CREB5: variants seen among roughly 807,000 people sequenced by gnomAD.
The protein encoded by CREB5 is cyclic AMP-responsive element-binding protein 5.
In CREB5, 19 loss-of-function variants were observed where a neutral mutation model predicts 57.1. That is an observed-to-expected ratio of 0.33 (90% CI 0.23 to 0.49). The LOEUF is 0.49. Among genes scored for constraint, CREB5 ranks in the 20% least tolerant of loss-of-function variants. The probability of loss-of-function intolerance (pLI) is 0.99; values close to 1 mark genes in which losing one functional copy is unlikely to be tolerated. For synonymous variants in CREB5, 238 were observed against 238.3 expected (o/e 1.00, Z 0.01); for missense variants, 579 against 671.6 (o/e 0.86, Z 1.52).
intron 1 of CREB5, among the ~76,000 whole-genome samples, chr7:28,320,739 C>G (rs191708206): frequency 3.3e-5 from 5 of 152,374 alleles, no homozygotes. Flanking sequence ...CCACTTCACT[C>G]TACAGAGTCA....
chr7:28,564,742 T>G (rs1030543488), intron 4 of CREB5, among the ~76,000 whole-genome samples: 1 of 152,204 alleles, frequency 6.6e-6, no homozygotes, highest in Admixed American at 6.5e-5. Flanking sequence ...GTTGGGAGAT[T>G]GTACTTTTTG....
chr7:28,769,537 T>A (rs920436763), intron 7 of CREB5, among the ~76,000 whole-genome samples: 1 of 152,224 alleles, frequency 6.6e-6, no homozygotes, highest in African/African-American at 2.4e-5. Flanking sequence ...AATAATTTTT[T>A]AAAAAACAGA....
Position 28,452,523 on chromosome 7 carries a change from A to G in CREB5, c.4-35652A>G, listed in dbSNP as rs145355936. On this transcript the variant is annotated intron_variant, in intron 1 of 10. Transcript: ENST00000357727. ...GCATGGTAAAAAGCGTTTAACTATA[A>G]AGACTTGAATGAAGGTGAGGGTAGG... Among the ~76,000 whole-genome samples, 4 of 152,326 alleles carry G rather than the reference A, an allele frequency of 2.6e-5. No homozygotes were observed. The East Asian group carries it at 5.8e-4, about 22-fold the overall frequency.
At chr7:28,646,202 C>A (rs11543662) in intron 5 of CREB5, among the ~76,000 whole-genome samples, 37,083 of 152,060 alleles carry the variant, frequency 0.24, 5,640 homozygotes, top group Non-Finnish European at 0.34. Context: ...TCTGGAGAAC[C>A]CTGACCAGGA....
intron 1 of CREB5, among the ~76,000 whole-genome samples, chr7:28,353,759 C>T (rs1013451430): frequency 1.8e-4 from 27 of 150,500 alleles, no homozygotes; most frequent in Admixed American, 5.3e-4. Context: ...AGGAGAATGG[C>T]GTGAACCCAG....
At chr7:28,666,522 A>G (rs966147566) in intron 5 of CREB5, among the ~76,000 whole-genome samples, 2 of 151,244 alleles carry the variant, frequency 1.3e-5, no homozygotes, top group Admixed American at 6.6e-5. Context: ...GAATCAGTCC[A>G]AACCCTGTTT....
At position 28,822,969 on chromosome 7, in the gene CREB5, CTT is replaced by C. The variant is rs1005946609; in HGVS notation, c.*3691_*3692del. The C allele has an allele frequency of 3.3e-5, 5 of 152,660 alleles. No homozygotes were observed. The highest frequency in any genetic ancestry group is 6.5e-5 in the Admixed American group (1 of 15,294). The allele number at this position is 152,660 out of a possible 1,614,324, so 9.5% of individuals were successfully genotyped here. ...GTATATATTATAGTAATTAGGGTGA[CTT>C]AGAGCAAATACTCTTCAGATCCTAT... is the stretch of plus-strand genomic sequence containing the variant. On this transcript the variant is annotated 3_prime_UTR_variant, in exon 11 of 11. Transcript: ENST00000357727.
chr7:28,607,735 CTGTGTGTGTGTGTGTG>C (rs573980917), intron 5 of CREB5, among the ~76,000 whole-genome samples: 26,191 of 129,180 alleles, frequency 0.2, 2,772 homozygotes, highest in East Asian at 0.31. Context: ...GCCCACAGGG[CTGTGTGTGTGTGTGTG>C]TGTGTGTGTG....
chr7:28,813,515 C>T (rs1456750521), intron 9 of CREB5, among the ~76,000 whole-genome samples: 2 of 152,198 alleles, frequency 1.3e-5, no homozygotes, highest in Non-Finnish European at 2.9e-5. Flanking sequence ...ATTGAAAGTT[C>T]TTTGTTTCAG....
At chr7:28,485,037 A>G (rs145103987) in intron 1 of CREB5, among the ~76,000 whole-genome samples, 58 of 152,340 alleles carry the variant, frequency 3.8e-4, no homozygotes, top group Middle Eastern at 6.8e-3. Context: ...CAGAATTGCC[A>G]AAGTATTAGC....
At position 28,484,453 on chromosome 7, in the gene CREB5, G is replaced by C. The variant is rs536180528; in HGVS notation, c.4-3722G>C. On this transcript the variant is annotated intron_variant, in intron 1 of 10. Coordinates refer to ENST00000357727, the MANE Select transcript of CREB5 (RefSeq NM_182898.4). ...CCTACACAGAAAGGAATTAGCAAGA[G>C]AATGCTGTTTGCAGAGGGCTAAATG... is the stretch of plus-strand genomic sequence containing the variant. Among the ~76,000 whole-genome samples the C allele has an allele frequency of 3.6e-4, 55 of 152,318 alleles. No individual in the cohort carries two copies. The South Asian group carries it at 3.7e-3, about 10-fold the overall frequency.
chr7:28,805,194 T>C (rs1808639481), intron 8 of CREB5, among the ~76,000 whole-genome samples: 1 of 151,990 alleles, frequency 6.6e-6, no homozygotes, highest in Non-Finnish European at 1.5e-5. Context: ...CAAATCCCAG[T>C]GGGTGAGAGT....
intron 5 of CREB5, among the ~76,000 whole-genome samples, chr7:28,694,496 G>A (rs1801437632): frequency 6.6e-6 from 1 of 152,112 alleles, no homozygotes; most frequent in African/African-American, 2.4e-5. Context: ...CATTTGATTT[G>A]AATTTGCTCT....
At chr7:28,394,999 C>A (rs1232089645) in intron 1 of CREB5, among the ~76,000 whole-genome samples, 2 of 152,160 alleles carry the variant, frequency 1.3e-5, no homozygotes, top group Admixed American at 6.5e-5. Context: ...TGAAAAGACA[C>A]AGATTATCTC....
At chr7:28,761,201 A>T (rs1805623609) in intron 7 of CREB5, among the ~76,000 whole-genome samples, 1 of 152,180 alleles carries the variant, frequency 6.6e-6, no homozygotes, top group African/African-American at 2.4e-5. Flanking sequence ...ATGCCCAATG[A>T]TCCCAAGTTT....
chr7:28,751,313 T>C (rs1044041446), intron 7 of CREB5, among the ~76,000 whole-genome samples: 3 of 152,208 alleles, frequency 2.0e-5, no homozygotes, highest in African/African-American at 7.2e-5. Flanking sequence ...CTGGAAGGGA[T>C]TGCCACTGTT....
At chr7:28,348,639 G>A (rs1052669817) in intron 1 of CREB5, among the ~76,000 whole-genome samples, 6 of 152,088 alleles carry the variant, frequency 3.9e-5, no homozygotes, top group African/African-American at 9.7e-5. Flanking sequence ...CAGCAAAAAC[G>A]GCTTGCCAAC....
chr7:28,336,582 T>C (rs1785826235), intron 1 of CREB5, among the ~76,000 whole-genome samples: 1 of 151,998 alleles, frequency 6.6e-6, no homozygotes, highest in Admixed American at 6.6e-5. Flanking sequence ...TGGGTCTTCT[T>C]TCTTTTTTCT....
intron 2 of CREB5, chr7:28,491,365 G>A: frequency 1.9e-6 from 1 of 512,970 alleles, no homozygotes; most frequent in Non-Finnish European, 2.5e-6. Flanking sequence ...GGAAGGGTTG[G>A]AAAGAGATTC....
Sources: allele counts gnomAD v4.1 joint callset (sites outside exome capture counted in the v4.1 genomes callset), GRCh38; gene constraint gnomAD v4.1.1; transcripts MANE v1.5; gene names NCBI Gene and HGNC (gene_info 2026-07-23, HGNC 2026-07-21).